Variants in PRH1 observed in about 807,000 individuals in gnomAD.
PRH1 encodes salivary acidic proline-rich phosphoprotein 1/2.
PRH1 carries 7 observed loss-of-function variants against 7.9 expected under a neutral mutation model. That is an observed-to-expected ratio of 0.89 (90% CI 0.50 to 1.67). The LOEUF is 1.67. Ranked by LOEUF, PRH1 falls within the 40% of genes most tolerant of loss-of-function variation. The pLI, the probability that PRH1 is intolerant of heterozygous loss-of-function variation, is 0.00. For missense variants in PRH1, 109 were observed against 223.6 expected (o/e 0.49, Z 3.27); for synonymous variants, 45 against 80.8 (o/e 0.56, Z 2.38).
At chr12:11,134,156 A>G (rs1040007850) in intron 1 of PRH1, 1 of 1,614,086 alleles carries the variant, frequency 6.2e-7, no homozygotes, top group Non-Finnish European at 8.5e-7. Flanking sequence ...AATGGAATTT[A>G]CCAATGCTAT....
At chr12:11,025,989 GA>G (rs1941892060) in intron 1 of PRH1, among the ~76,000 whole-genome samples, 1 of 23,082 alleles carries the variant, frequency 4.3e-5, no homozygotes, top group Admixed American at 7.2e-4. Flanking sequence ...TGTTTTACTC[GA>G]TACTGTTTTA....
chr12:11,102,823 A>T (rs374872655), intron 1 of PRH1, among the ~76,000 whole-genome samples: 1 of 152,172 alleles, frequency 6.6e-6, no homozygotes, highest in Admixed American at 6.6e-5. Context: ...GAATCTACAA[A>T]GAACTTAAAC....
chr12:10,907,708 T>A (rs1457728324), intron 2 of PRH1, among the ~76,000 whole-genome samples: 1 of 152,134 alleles, frequency 6.6e-6, no homozygotes, highest in Non-Finnish European at 1.5e-5. Flanking sequence ...GTGTATACAT[T>A]GTCAAAACTC....
chr12:11,046,783 T>C (rs1234903162), intron 1 of PRH1, among the ~76,000 whole-genome samples: 2 of 152,196 alleles, frequency 1.3e-5, no homozygotes, highest in African/African-American at 2.4e-5. Context: ...TTTCTACTTA[T>C]CATGTTTCCC....
chr12:11,152,272 T>C (rs1947122829), intron 1 of PRH1, among the ~76,000 whole-genome samples: 1 of 130,288 alleles, frequency 7.7e-6, no homozygotes, highest in South Asian at 2.5e-4. Flanking sequence ...GTGATGTTTA[T>C]TATAAATAAA....
chr12:11,103,319 G>T (rs111651376), intron 1 of PRH1, among the ~76,000 whole-genome samples: 32,062 of 151,962 alleles, frequency 0.21, 3,975 homozygotes, highest in Non-Finnish European at 0.27. Context: ...ACTGGATAAA[G>T]AAAATGTGGC....
At chr12:11,161,287 T>C (rs7973298) in intron 1 of PRH1, among the ~76,000 whole-genome samples, 113,347 of 152,090 alleles carry the variant, frequency 0.75, 44,744 homozygotes, top group East Asian at 0.96. Context: ...TCATATTGTT[T>C]GAAACGTTTT....
chr12:10,886,102 G>A (rs542925653), upstream of PRH1, among the ~76,000 whole-genome samples: 5 of 152,286 alleles, frequency 3.3e-5, no homozygotes, highest in Admixed American at 6.5e-5. Flanking sequence ...TAGCTGGGCC[G>A]TATGAGTTGT....
chr12:11,168,264 GAAAGAAAGAAAGAAAGAAAGAAA>G (rs1947661975), intron 1 of PRH1, among the ~76,000 whole-genome samples: 2 of 34,122 alleles, frequency 5.9e-5, no homozygotes, highest in African/African-American at 1.7e-4. Flanking sequence ...AAGAAAGAAA[GAAAGAAAGAAAGAAAGAAAGAAA>G]GAAAGAAAGA....
At chr12:11,058,806 T>A (rs1943470743) in intron 1 of PRH1, among the ~76,000 whole-genome samples, 1 of 152,154 alleles carries the variant, frequency 6.6e-6, no homozygotes, top group East Asian at 1.9e-4. Context: ...CAGAGGAGTA[T>A]CCTCTGTGCA....
At chr12:11,121,114 A>C (rs1428316463) in exon 2 of PRH1, 1 of 153,072 alleles carries the variant, frequency 6.5e-6, no homozygotes, top group Admixed American at 6.5e-5. Flanking sequence ...AGAAGTTCCA[A>C]GGTTTATAAA....
At chr12:11,122,706 T>C (rs1426567942) in intron 1 of PRH1, among the ~76,000 whole-genome samples, 2 of 152,296 alleles carry the variant, frequency 1.3e-5, no homozygotes, top group Admixed American at 6.5e-5. Context: ...CATGAATGTA[T>C]ACAAATAGTG....
chr12:11,166,742 T>A (rs74062454), intron 1 of PRH1, among the ~76,000 whole-genome samples: 5,384 of 152,318 alleles, frequency 0.035, 310 homozygotes, highest in African/African-American at 0.12. Flanking sequence ...ATAAATTTAG[T>A]GGCTTAAATA....
chr12:10,898,603 ATAAC>A (rs1450013408), intron 2 of PRH1, among the ~76,000 whole-genome samples: 1 of 152,206 alleles, frequency 6.6e-6, no homozygotes, highest in Non-Finnish European at 1.5e-5. Context: ...CTCTAAACAT[ATAAC>A]TAATAAAATA....
At chr12:10,983,187 T>C (rs1471940819) in intron 1 of PRH1, among the ~76,000 whole-genome samples, 3 of 152,178 alleles carry the variant, frequency 2.0e-5, no homozygotes, top group Non-Finnish European at 4.4e-5. Flanking sequence ...CCTAGCGAAT[T>C]AGTGGAAGAC....
rs1176176784 is a variant in PRH1, at chr12:11,085,042, G to C, written n.124-37854C>G. 1.1e-4 allele frequency among the ~76,000 whole-genome samples: 12 copies of C among 113,598 alleles called. 5 individuals carry two copies. Among genetic ancestry groups the C allele is most frequent in the Non-Finnish European group, 2.5e-4 (12 of 48,428 alleles). The allele number at this position is 113,598 out of a possible 152,430, so 74.5% of individuals were successfully genotyped here. A position where few individuals can be genotyped will look rare whatever the true frequency, so the allele number is the denominator to read the frequency against. On this transcript the variant is annotated intron_variant and non_coding_transcript_variant, in intron 1 of 4. Coordinates refer to the PRH1 transcript ENST00000541977. The stretch of plus-strand genomic sequence containing the variant: ...TCACCGTGTTAGCCAGGATGGTCTT[G>C]ATGTCCTGACCTCGTGATCCACCCA...
chr12:10,889,422 T>G (rs1040797925), intron 2 of PRH1, among the ~76,000 whole-genome samples: 4 of 152,198 alleles, frequency 2.6e-5, no homozygotes, highest in African/African-American at 9.6e-5. Flanking sequence ...TGATGTCATT[T>G]CCTTCTTTCT....
intron 1 of PRH1, among the ~76,000 whole-genome samples, chr12:11,076,417 C>G (rs11507733): frequency 0.39 from 40,159 of 102,668 alleles, 9,739 homozygotes; most frequent in Non-Finnish European, 0.49. Flanking sequence ...TCTATACTCT[C>G]TTTGGGACTT....
intron 1 of PRH1, among the ~76,000 whole-genome samples, chr12:11,135,593 A>G (rs553913149): frequency 1.6e-5 from 2 of 125,502 alleles, no homozygotes; most frequent in South Asian, 2.4e-4. Flanking sequence ...GCAGAAAAAC[A>G]TAACTGATAA....
Sources: gnomAD v4.1 joint callset for allele counts (sites outside exome capture counted in the v4.1 genomes callset) on GRCh38, gnomAD v4.1.1 for gene constraint, MANE v1.5 for transcripts, NCBI Gene and HGNC (gene_info 2026-07-23, HGNC 2026-07-21) for gene names.